PTH1R: variants seen among roughly 807,000 people sequenced by gnomAD.
The protein encoded by PTH1R is parathyroid hormone 1 receptor.
Under a neutral mutation model 70.7 loss-of-function variants are expected in PTH1R, and 32 were observed. The ratio of observed to expected loss-of-function variants is 0.45; its 90% confidence interval spans 0.34 to 0.61. PTH1R has a LOEUF of 0.61. Among genes scored for constraint, PTH1R ranks in the 20% least tolerant of loss-of-function variants. The pLI is 0.01. For synonymous variants in PTH1R, 329 were observed against 324.8 expected, an observed-to-expected ratio of 1.01 and a Z score of -0.14; for missense variants, 626 against 792.5, an observed-to-expected ratio of 0.79 and a Z score of 2.52.
chr3:46,881,921 G>GTCTC (rs1315745505), intron 2 of PTH1R, among the ~76,000 whole-genome samples: 1 of 152,162 alleles, frequency 6.6e-6, no homozygotes, highest in Non-Finnish European at 1.5e-5. Flanking sequence ...TCGGCTCAGG[G>GTCTC]TCTCTATTCG....
intron 2 of PTH1R, chr3:46,881,925 C>T (rs2030598518): frequency 6.6e-6 from 1 of 152,110 alleles, no homozygotes; most frequent in South Asian, 2.1e-4. Flanking sequence ...CTCAGGGTCT[C>T]TATTCGCCAG....
At position 46,903,255 on chromosome 3, in the gene PTH1R, C is replaced by A. The variant is rs750817203; in HGVS notation, c.1396-15C>A. On this transcript the variant is annotated splice_polypyrimidine_tract_variant and intron_variant, in intron 15 of 15. Transcript: ENST00000449590. This position sits in a 1 kb window ranked among gnomAD's most constrained non-coding sequence, Gnocchi z 4.4. ...TGGGAGACACACCTGACTGCCGCAC[C>A]CTTACTGCCCCAAGGTACAAGCTGA... 6.2e-6 allele frequency: 10 copies of A among 1,611,920 alleles called. No individual in the cohort carries two copies. The Admixed American group carries it at 1.2e-4, about 19-fold the overall frequency.
Position 46,902,768 on chromosome 3 carries a change from T to C in PTH1R, c.1373T>C (p.Ile458Thr), listed in dbSNP as rs121434600. The change falls in exon 15 of 16, where the codon ATA becomes ACA. Residue 458 changes from isoleucine (I) to threonine (T), a missense_variant. Ile to Thr is a moderately conservative substitution (Grantham distance 89). This residue lies in a region of PTH1R where 495 missense variants were observed against 638.7 expected (regional missense o/e 0.77). Coordinates refer to ENST00000449590, the MANE Select transcript of PTH1R (RefSeq NM_000316.3). This position sits in a 1 kb window ranked among gnomAD's most constrained non-coding sequence, Gnocchi z 5.4. ...TCACAGGGATTTTTTGTCGCAATCA[T>C]ATACTGTTTCTGCAATGGCGAGGTA... is the stretch of plus-strand genomic sequence containing the variant. The part of the protein sequence containing the change: ...NSFQGFFVAI[I>T]YCFCNGEVQA... 1 of 1,613,774 alleles carries C rather than the reference T, an allele frequency of 6.2e-7. No homozygotes were observed. Among genetic ancestry groups the C allele is most frequent in the East Asian group, 2.2e-5 (1 of 44,860 alleles).
rs1308751443 is a variant in PTH1R, at chr3:46,902,945, G to A, written c.1395+155G>A. Reference sequence around the variant, plus strand: ...TGAAAGCAGAGAAGTCTTTCCAGATGATGCAGGTTCAGGATGTGCTAGGAT... The same window carrying A: ...TGAAAGCAGAGAAGTCTTTCCAGATAATGCAGGTTCAGGATGTGCTAGGAT... On this transcript the variant is annotated intron_variant, in intron 15 of 15. Coordinates refer to ENST00000449590, the MANE Select transcript of PTH1R (RefSeq NM_000316.3). This position sits in a 1 kb window ranked among gnomAD's most constrained non-coding sequence, Gnocchi z 5.4. 2 of 1,190,580 alleles carry A rather than the reference G, an allele frequency of 1.7e-6. No homozygotes were observed. Among genetic ancestry groups the A allele is most frequent in the East Asian group, 2.4e-5 (1 of 42,450 alleles). The allele number at this position is 1,190,580 out of a possible 1,614,324, so 73.8% of individuals were successfully genotyped here.
chr3:46,894,156 TG>T (rs2031598858), intron 4 of PTH1R, 147 bp downstream of exon 4: 3 of 764,954 alleles, frequency 3.9e-6, no homozygotes, highest in African/African-American at 1.7e-5. Context: ...AGAACCAAAG[TG>T]GGGTGCGTGG....
At chr3:46,895,079 A>C (rs75608553) in intron 4 of PTH1R, among the ~76,000 whole-genome samples, 3 of 106,404 alleles carry the variant, frequency 2.8e-5, no homozygotes, top group Middle Eastern at 4.4e-3. Flanking sequence ...AAAAAACAAA[A>C]AAAACAAACA....
intron 3 of PTH1R, among the ~76,000 whole-genome samples, chr3:46,885,424 A>G (rs79481890): frequency 2.9e-4 from 44 of 152,138 alleles, no homozygotes; most frequent in East Asian, 2.7e-3. Flanking sequence ...AATCCTCCCA[A>G]CCACCCTCAG....
At chr3:46,895,906 C>T (rs1403003522) in intron 5 of PTH1R, 37 bp downstream of exon 5, 4 of 1,604,122 alleles carry the variant, frequency 2.5e-6, no homozygotes, top group Non-Finnish European at 3.4e-6. Flanking sequence ...CTGGCATGGG[C>T]TTGGATCCAC....
intron 3 of PTH1R, among the ~76,000 whole-genome samples, chr3:46,890,034 CTCAG>C (rs1162568571): frequency 2.6e-5 from 4 of 152,200 alleles, no homozygotes; most frequent in Non-Finnish European, 5.9e-5. Context: ...ATAAGGCCTC[CTCAG>C]TCAGGGCAGA....
Position 46,903,721 on chromosome 3 carries a change from T to C in PTH1R, c.*65T>C. ...ACAGATGGACCAAAAGATGGGTGGT[T>C]GAATGATTTCCCACTCAGGGCTGGG... is the stretch of plus-strand genomic sequence containing the variant. On this transcript the variant is annotated 3_prime_UTR_variant, in exon 16 of 16. Transcript: ENST00000449590. The surrounding 1 kb of genome is among the most constrained non-coding windows in gnomAD (Gnocchi z 4.4). 6.3e-7 allele frequency: 1 copy of C among 1,596,866 alleles called. No individual in the cohort carries two copies. The highest frequency in any genetic ancestry group is 8.5e-7 in the Non-Finnish European group (1 of 1,178,408).
At chr3:46,890,590 G>C (rs181384329) in intron 3 of PTH1R, among the ~76,000 whole-genome samples, 1 of 134,582 alleles carries the variant, frequency 7.4e-6, no homozygotes, top group Non-Finnish European at 1.5e-5. Flanking sequence ...TGGAACCTCC[G>C]CTCCCAGGTT....
chr3:46,899,547 A>G, intron 10 of PTH1R, 91 bp downstream of exon 10: 1 of 1,490,326 alleles, frequency 6.7e-7, no homozygotes, highest in South Asian at 1.3e-5. Flanking sequence ...GCGCCCACAC[A>G]GCACATCCCG....
In PTH1R at chr3:46,901,851, A is replaced by G; in HGVS notation, c.1202A>G (p.Gln401Arg). ...AACGCCGGCCGGTGTGACACACGGC[A>G]GCAGTACCGGTGAGCCCACCATGCC... ...ETNAGRCDTR[Q>R]QYRKLLKSTL... The change falls in exon 13 of 16, where the codon CAG (glutamine) becomes CGG (arginine). Residue 401 changes from glutamine (Q) to arginine (R), a missense_variant. Physicochemically the swap from Gln to Arg is conservative, Grantham distance 43. Around this residue, in one of 3 missense-constraint regions of PTH1R, gnomAD observed 495 missense variants for 638.7 expected, o/e 0.77. Coordinates refer to ENST00000449590, the MANE Select transcript of PTH1R (RefSeq NM_000316.3). The surrounding 1 kb of genome is among the most constrained non-coding windows in gnomAD (Gnocchi z 7.3). The G allele has an allele frequency of 6.2e-7, 1 of 1,613,528 alleles. No individual in the cohort carries two copies.
At position 46,902,700 on chromosome 3, in the gene PTH1R, T is replaced by C. The variant is rs756591093; in HGVS notation, c.1353+33T>C. ...GTGCTGGCCCGGGCCTGGCTGAGGG[T>C]GGGAGGGGTTCCGGGGGCAGGCCTG... On this transcript the variant is annotated intron_variant, in intron 14 of 15. Transcript: ENST00000449590. The surrounding 1 kb of genome is among the most constrained non-coding windows in gnomAD (Gnocchi z 5.4). 3.1e-6 allele frequency: 5 copies of C among 1,612,576 alleles called. No individual in the cohort carries two copies. The African/African-American group carries it at 6.7e-5, about 22-fold the overall frequency.
chr3:46,890,090 G>A (rs1333664846), intron 3 of PTH1R, among the ~76,000 whole-genome samples: 1 of 152,170 alleles, frequency 6.6e-6, no homozygotes, highest in Non-Finnish European at 1.5e-5. Flanking sequence ...CTCAAGCTTG[G>A]GGCCTCTGGC....
chr3:46,887,010 G>A (rs989649314), intron 3 of PTH1R, among the ~76,000 whole-genome samples: 7 of 151,962 alleles, frequency 4.6e-5, no homozygotes, highest in Non-Finnish European at 4.4e-5. Flanking sequence ...TTGGGAGGCC[G>A]GGCAGATCAC....
Position 46,896,952 on chromosome 3 carries a change from A to G in PTH1R, c.314-903A>G, listed in dbSNP as rs767074375. Among the ~76,000 whole-genome samples the G allele has an allele frequency of 2.0e-5, 3 of 152,222 alleles. No homozygotes were observed. Among genetic ancestry groups the G allele is most frequent in the African/African-American group, 4.8e-5 (2 of 41,454 alleles). ...TGAGTGGTGGTAGAAGCATGGGCCA[A>G]TGTGGTTAATCCCAACTTCCCAATG... is the stretch of plus-strand genomic sequence containing the variant. On this transcript the variant is annotated intron_variant, in intron 5 of 15. Coordinates refer to ENST00000449590, the MANE Select transcript of PTH1R (RefSeq NM_000316.3). This position sits in a 1 kb window ranked among gnomAD's most constrained non-coding sequence, Gnocchi z 4.1.
intron 4 of PTH1R, among the ~76,000 whole-genome samples, chr3:46,894,791 T>A (rs569115839): frequency 6.6e-6 from 1 of 152,026 alleles, no homozygotes; most frequent in African/African-American, 2.4e-5. Context: ...CAGGGGGGCC[T>A]AGCTTGGGCG....
At chr3:46,895,913 C>G (rs1363643103) in intron 5 of PTH1R, 44 bp downstream of exon 5, 3 of 1,597,486 alleles carry the variant, frequency 1.9e-6, no homozygotes, top group Non-Finnish European at 2.6e-6. Flanking sequence ...GGGCTTGGAT[C>G]CACCCACCCC....
Sources: allele counts gnomAD v4.1 joint callset (sites outside exome capture counted in the v4.1 genomes callset), GRCh38; gene constraint gnomAD v4.1.1; regional missense constraint gnomAD v4.1.1; non-coding constraint Gnocchi (gnomAD v3.1); transcripts MANE v1.5; gene names NCBI Gene and HGNC (gene_info 2026-07-23, HGNC 2026-07-21).